The following DGCR8 variants were observed in gnomAD, a reference collection of about 807,000 sequenced individuals.
DGCR8 encodes microprocessor complex subunit DGCR8.
DGCR8 carries 14 observed loss-of-function variants against 78.5 expected under a neutral mutation model. The observed-to-expected ratio is 0.18, with a 90% confidence interval of 0.12 to 0.28. DGCR8 has a LOEUF of 0.28. Ranked by LOEUF, DGCR8 falls within the 10% of genes least tolerant of loss-of-function variation. The probability of loss-of-function intolerance (pLI) is 1.00; values close to 1 mark genes in which losing one functional copy is unlikely to be tolerated. For missense variants in DGCR8, 702 were observed against 1,022.5 expected (o/e 0.69, Z 4.28); for synonymous variants, 399 against 402.4 (o/e 0.99, Z 0.10).
chr22:20,104,181 G>A (rs1240833796), intron 9 of DGCR8, among the ~76,000 whole-genome samples: 2 of 147,554 alleles, frequency 1.4e-5, no homozygotes, highest in African/African-American at 2.5e-5. Context: ...TTTTTGAGAC[G>A]GAGTCTCGCT....
chr22:20,111,706 G>GCCCGCCCC lies in DGCR8; in HGVS notation c.*1601_*1602insGCCCCCCC, dbSNP rs2049850452. On this transcript the variant is annotated 3_prime_UTR_variant, in exon 14 of 14. Transcript: ENST00000351989. ...TGCCATACTCTTGTGGTCTCTGTGC[G>GCCCGCCCC]CCCCCCCCCCCCCCCCACCCGTCTG... The GCCCGCCCC allele has an allele frequency of 3.2e-5, 2 of 63,028 alleles. No homozygotes were observed. The highest frequency in any genetic ancestry group is 6.0e-5 in the Non-Finnish European group (2 of 33,564). 3.9% of individuals were successfully genotyped at this position (63,028 alleles called of 1,614,324 possible).
chr22:20,083,022 G>A (rs972484953), intron 1 of DGCR8, among the ~76,000 whole-genome samples: 1 of 152,090 alleles, frequency 6.6e-6, no homozygotes. Flanking sequence ...CCACTGTCAC[G>A]TCCCCTCAGC....
intron 9 of DGCR8, among the ~76,000 whole-genome samples, chr22:20,100,001 G>C (rs752407915): frequency 3.3e-5 from 5 of 152,176 alleles, no homozygotes; most frequent in Non-Finnish European, 5.9e-5. Flanking sequence ...ACAGGCTACA[G>C]ACAGATTGCA....
At chr22:20,101,906 G>T (rs1303135163) in intron 9 of DGCR8, 1 of 985,228 alleles carries the variant, frequency 1.0e-6, no homozygotes, top group Non-Finnish European at 1.2e-6. Context: ...GCGGGTTGAT[G>T]CCTGTGAGGT....
rs1394915472 is a variant in DGCR8 at position 20,091,862 on chromosome 22, G to A, written c.1505-7G>A. Reference sequence around the variant, plus strand: ...CACACTTGCTGAGATGGTTCTTTTTGTCACAGAGTTTGTTATTAACCCCAA... The same window carrying A: ...CACACTTGCTGAGATGGTTCTTTTTATCACAGAGTTTGTTATTAACCCCAA... On this transcript the variant is annotated splice_region_variant and splice_polypyrimidine_tract_variant and intron_variant, in intron 6 of 13. Transcript: ENST00000351989. 2 of 1,613,548 alleles carry A rather than the reference G, an allele frequency of 1.2e-6. No homozygotes were observed. The highest frequency in any genetic ancestry group is 3.3e-5 in the Admixed American group (2 of 59,998).
rs71717697 is a variant in DGCR8 at position 20,111,706 on chromosome 22, G to GCCCCCCCCCCCCCCCCC, written c.*1614_*1615insCCCCCCCCCCCCCCCCC. 72 of 63,038 alleles carry GCCCCCCCCCCCCCCCCC rather than the reference G, an allele frequency of 1.1e-3. 24 individuals are homozygous for GCCCCCCCCCCCCCCCCC. The highest frequency in any genetic ancestry group is 1.8e-3 in the Non-Finnish European group (61 of 33,558). The allele number at this position is 63,038 out of a possible 1,614,324, so 3.9% of individuals were successfully genotyped here. On this transcript the variant is annotated 3_prime_UTR_variant, in exon 14 of 14. Transcript: ENST00000351989. ...TGCCATACTCTTGTGGTCTCTGTGC[G>GCCCCCCCCCCCCCCCCC]CCCCCCCCCCCCCCCCACCCGTCTG...
In DGCR8 at chr22:20,086,509, G is replaced by A; in HGVS notation, c.546G>A (p.Lys182=). The A allele has an allele frequency of 1.2e-6, 2 of 1,614,072 alleles. No individual in the cohort carries two copies. Among genetic ancestry groups the A allele is most frequent in the Non-Finnish European group, 1.7e-6 (2 of 1,180,028 alleles). ...TAGGGGGTGAGAGTGCTGATAAGAAGGATGAGGAGAATGAGCTGGATCAGG... is the reference window on the plus strand; with the variant it reads ...TAGGGGGTGAGAGTGCTGATAAGAAAGATGAGGAGAATGAGCTGGATCAGG... The part of the protein sequence containing the change: ...VGIGGESADK[K]DEENELDQEK... The change falls in exon 2 of 14, where the codon AAG becomes AAA. Residue 182 remains lysine, a synonymous_variant. Coordinates refer to ENST00000351989, the MANE Select transcript of DGCR8 (RefSeq NM_022720.7). This position sits in a 1 kb window ranked among gnomAD's most constrained non-coding sequence, Gnocchi z 6.4.
rs2049850193 is a variant in DGCR8 at position 20,111,706 on chromosome 22, G to GCGGGGGGGCCC, written c.*1599_*1600insGGGGGGGCCCC. On this transcript the variant is annotated 3_prime_UTR_variant, in exon 14 of 14. Coordinates refer to ENST00000351989, the MANE Select transcript of DGCR8 (RefSeq NM_022720.7). ...TGCCATACTCTTGTGGTCTCTGTGC[G>GCGGGGGGGCCC]CCCCCCCCCCCCCCCCACCCGTCTG... is the stretch of plus-strand genomic sequence containing the variant. The GCGGGGGGGCCC allele has an allele frequency of 3.2e-5, 2 of 63,040 alleles. No individual in the cohort carries two copies. Among genetic ancestry groups the GCGGGGGGGCCC allele is most frequent in the Non-Finnish European group, 3.0e-5 (1 of 33,560 alleles). 3.9% of individuals were successfully genotyped at this position (63,040 alleles called of 1,614,324 possible). A position where few individuals can be genotyped will look rare whatever the true frequency, so the allele number is the denominator to read the frequency against.
At chr22:20,100,590 C>T (rs2049686734) in intron 9 of DGCR8, 2 of 985,404 alleles carry the variant, frequency 2.0e-6, no homozygotes, top group African/African-American at 3.5e-5. Flanking sequence ...TGTCCATGAA[C>T]CACTGTGGTT....
At chr22:20,102,075 G>A in intron 9 of DGCR8, 1 of 974,072 alleles carries the variant, frequency 1.0e-6, no homozygotes, top group Non-Finnish European at 1.2e-6. Flanking sequence ...GTGACCAAGT[G>A]TTTTCTTTTT....
At chr22:20,101,990 A>G in intron 9 of DGCR8, 1 of 985,430 alleles carries the variant, frequency 1.0e-6, no homozygotes, top group Non-Finnish European at 1.2e-6. Flanking sequence ...CCTTTTCACA[A>G]AGCTTGTGGT....
At position 20,085,840 on chromosome 22, in the gene DGCR8, C is replaced by T. The variant is rs755915926; in HGVS notation, c.-124C>T. On this transcript the variant is annotated 5_prime_UTR_variant, in exon 2 of 14. Coordinates refer to ENST00000351989, the MANE Select transcript of DGCR8 (RefSeq NM_022720.7). The surrounding 1 kb of genome is among the most constrained non-coding windows in gnomAD (Gnocchi z 6.2). ...GAGCAATGTGGCCAGCTTGACTAAGCCGCCAGCGCACAGCGCGGCAGGACG... is the reference window on the plus strand; with the variant it reads ...GAGCAATGTGGCCAGCTTGACTAAGTCGCCAGCGCACAGCGCGGCAGGACG... The T allele has an allele frequency of 6.7e-7, 1 of 1,485,182 alleles. No homozygotes were observed. The highest frequency in any genetic ancestry group is 8.9e-7 in the Non-Finnish European group (1 of 1,125,502). 92.0% of individuals were successfully genotyped at this position (1,485,182 alleles called of 1,614,324 possible). A position where few individuals can be genotyped will look rare whatever the true frequency, so the allele number is the denominator to read the frequency against.
At chr22:20,094,860 T>G in intron 9 of DGCR8, 65 bp downstream of exon 9, 1 of 1,453,528 alleles carries the variant, frequency 6.9e-7, no homozygotes, top group Non-Finnish European at 9.7e-7. Context: ...GCCCTGTTAG[T>G]GTGAGCTGGG....
intron 7 of DGCR8, 98 bp from the exon 8 acceptor site, chr22:20,092,711 G>A: frequency 9.6e-7 from 1 of 1,042,096 alleles, no homozygotes; most frequent in Non-Finnish European, 1.5e-6. Flanking sequence ...TGCAGGGACA[G>A]CCCCTGACTG....
intron 9 of DGCR8, among the ~76,000 whole-genome samples, chr22:20,098,007 A>C (rs891711479): frequency 6.6e-6 from 1 of 150,880 alleles, no homozygotes; most frequent in African/African-American, 2.4e-5. Context: ...GGCACCTGTA[A>C]TTGCAGCTAC....
intron 11 of DGCR8, 41 bp from the exon 12 acceptor site, chr22:20,107,230 G>A (rs370481608): frequency 9.4e-5 from 151 of 1,613,614 alleles, no homozygotes; most frequent in Non-Finnish European, 1.2e-4. Context: ...AGCACTGGGT[G>A]TTTGTGACCC....
intron 9 of DGCR8, among the ~76,000 whole-genome samples, chr22:20,098,542 G>GT (rs1467520618): frequency 2.6e-5 from 4 of 152,168 alleles, no homozygotes; most frequent in Non-Finnish European, 5.9e-5. Flanking sequence ...TAAGTTTATA[G>GT]TTTTTGTCAT....
chr22:20,081,794 C>T (rs2049421169), intron 1 of DGCR8, among the ~76,000 whole-genome samples: 1 of 152,192 alleles, frequency 6.6e-6, no homozygotes, highest in Non-Finnish European at 1.5e-5. Flanking sequence ...AAACTCAAAT[C>T]TTCACCCATG....
Position 20,089,263 on chromosome 22 carries a change from G to A in DGCR8, c.881-406G>A, listed in dbSNP as rs1359248114. Among the ~76,000 whole-genome samples the A allele has an allele frequency of 2.6e-5, 4 of 152,246 alleles. No homozygotes were observed. The highest frequency in any genetic ancestry group is 2.9e-5 in the Non-Finnish European group (2 of 68,048). On this transcript the variant is annotated intron_variant, in intron 3 of 13. Coordinates refer to ENST00000351989, the MANE Select transcript of DGCR8 (RefSeq NM_022720.7). This position sits in a 1 kb window ranked among gnomAD's most constrained non-coding sequence, Gnocchi z 4.9. The stretch of plus-strand genomic sequence containing the variant: ...CAGTTACAATAAAGACTTGTCACCT[G>A]GTCACTGGGAGCAGTGGCTGACAGC...
Sources: gnomAD v4.1 joint callset for allele counts (sites outside exome capture counted in the v4.1 genomes callset) on GRCh38, gnomAD v4.1.1 for gene constraint, Gnocchi (gnomAD v3.1) non-coding constraint, MANE v1.5 for transcripts, NCBI Gene and HGNC (gene_info 2026-07-23, HGNC 2026-07-21) for gene names.